SV2C: variants seen among roughly 807,000 people sequenced by gnomAD.
SV2C encodes solute carrier family 22 member B3.
SV2C carries 49 observed loss-of-function variants against 79.7 expected under a neutral mutation model. That is an observed-to-expected ratio of 0.61 (90% CI 0.49 to 0.78). SV2C has a LOEUF of 0.78. Ranked by LOEUF, SV2C falls within the 30% of genes least tolerant of loss-of-function variation. The pLI, the probability that SV2C is intolerant of heterozygous loss-of-function variation, is 0.00. For synonymous variants in SV2C, 334 were observed against 333.2 expected, an observed-to-expected ratio of 1.00 and a Z score of -0.03; for missense variants, 833 against 912.9, an observed-to-expected ratio of 0.91 and a Z score of 1.13.
chr5:76,264,255 T>G (rs1193546228), intron 4 of SV2C, among the ~76,000 whole-genome samples: 1 of 151,914 alleles, frequency 6.6e-6, no homozygotes, highest in Non-Finnish European at 1.5e-5. Context: ...CTTCAGAAAG[T>G]TCTCCTGCTG....
chr5:75,991,457 A>AT, the SV2C span, among the ~76,000 whole-genome samples: 5 of 150,262 alleles, frequency 3.3e-5, no homozygotes, highest in African/African-American at 1.2e-4. Context: ...GCAATCTGTA[A>AT]TTTTTTCTTT....
the SV2C span, among the ~76,000 whole-genome samples, chr5:76,045,872 T>C: frequency 9.2e-5 from 14 of 152,250 alleles, no homozygotes; most frequent in Admixed American, 7.2e-4. Context: ...TTAAATCTAG[T>C]GATGGTTAAT....
the SV2C span, among the ~76,000 whole-genome samples, chr5:76,023,806 A>G: frequency 5.3e-5 from 8 of 152,008 alleles, no homozygotes; most frequent in East Asian, 1.5e-3. Context: ...CTGGCCTTCA[A>G]AATACATATG....
At chr5:76,347,802 T>C (rs1370396366) in intron 12 of SV2C, among the ~76,000 whole-genome samples, 1 of 152,220 alleles carries the variant, frequency 6.6e-6, no homozygotes, top group Non-Finnish European at 1.5e-5. Flanking sequence ...ATAGTGAAAT[T>C]GAGCAGAGGG....
chr5:75,990,360 T>A, the SV2C span, among the ~76,000 whole-genome samples: 41,631 of 151,726 alleles, frequency 0.27, 6,291 homozygotes, highest in East Asian at 0.66. Flanking sequence ...ATCTTCTGCA[T>A]CTGTCTAGCC....
At chr5:76,124,823 A>G (rs933926787) in intron 1 of SV2C, among the ~76,000 whole-genome samples, 16 of 152,188 alleles carry the variant, frequency 1.1e-4, no homozygotes, top group African/African-American at 3.9e-4. Context: ...CCAAATTGGT[A>G]TGCATTGGTC....
the SV2C span, chr5:75,921,364 G>C: frequency 4.2e-6 from 4 of 963,550 alleles, no homozygotes; most frequent in East Asian, 4.8e-5. Flanking sequence ...TGTCCTTTGG[G>C]GGGTGCTGGT....
chr5:75,880,901 GGTTCTGCAAGAC>G, the SV2C span, among the ~76,000 whole-genome samples: 1 of 152,282 alleles, frequency 6.6e-6, no homozygotes, highest in South Asian at 2.1e-4. Flanking sequence ...GTTGGCTCAT[GGTTCTGCAAGAC>G]GTAAAAGCAC....
At chr5:76,001,482 G>GT in the SV2C span, among the ~76,000 whole-genome samples, 1 of 151,832 alleles carries the variant, frequency 6.6e-6, no homozygotes, top group South Asian at 2.1e-4. Flanking sequence ...GGCACCTGTG[G>GT]TCCCAGCTAC....
chr5:76,219,861 T>G (rs1745017294), intron 4 of SV2C, among the ~76,000 whole-genome samples: 1 of 152,210 alleles, frequency 6.6e-6, no homozygotes, highest in Non-Finnish European at 1.5e-5. Flanking sequence ...TCTGAACTCT[T>G]CCATTCAAGC....
chr5:76,086,931 G>C (rs1171976620), intron 1 of SV2C, among the ~76,000 whole-genome samples: 1 of 152,148 alleles, frequency 6.6e-6, no homozygotes, highest in Non-Finnish European at 1.5e-5. Flanking sequence ...CCTATTGAGA[G>C]GTATTGAACA....
At chr5:76,254,253 TATATAGAG>T (rs1257109505) in intron 4 of SV2C, among the ~76,000 whole-genome samples, 47 of 147,750 alleles carry the variant, frequency 3.2e-4, no homozygotes, top group African/African-American at 1.1e-3. Context: ...TATATATATA[TATATAGAG>T]AGAGAGAGAG....
intron 1 of SV2C, among the ~76,000 whole-genome samples, chr5:76,092,911 C>T (rs370677289): frequency 5.9e-4 from 90 of 152,110 alleles, no homozygotes; most frequent in African/African-American, 1.9e-3. Flanking sequence ...CTGTGGAGTG[C>T]GTCTCATATT....
chr5:76,030,297 A>ATTTATTTATTTT, the SV2C span, among the ~76,000 whole-genome samples: 1 of 33,054 alleles, frequency 3.0e-5, no homozygotes, highest in African/African-American at 1.1e-4. Context: ...TTTTTTATTT[A>ATTTATTTATTTT]TTCCTGTAAA....
the SV2C span, among the ~76,000 whole-genome samples, chr5:75,864,759 T>A: frequency 0.043 from 6,599 of 152,308 alleles, 377 homozygotes; most frequent in African/African-American, 0.13. Flanking sequence ...CTTGCTGCAT[T>A]CTGCATCACT....
chr5:75,913,039 T>C, the SV2C span, among the ~76,000 whole-genome samples: 1 of 152,166 alleles, frequency 6.6e-6, no homozygotes, highest in African/African-American at 2.4e-5. Context: ...ATTCATGGCA[T>C]AGTCAATCCA....
chr5:76,037,903 G>T, the SV2C span, among the ~76,000 whole-genome samples: 1 of 152,214 alleles, frequency 6.6e-6, no homozygotes, highest in South Asian at 2.1e-4. Flanking sequence ...GACTCCGTGG[G>T]CATAGGACCC....
chr5:75,993,744 G>C, the SV2C span, among the ~76,000 whole-genome samples: 1 of 151,974 alleles, frequency 6.6e-6, no homozygotes, highest in African/African-American at 2.4e-5. Context: ...CTACTGTCTT[G>C]CCTTGCATTA....
At chr5:76,040,594 AAAAATGGAGAGG>A in the SV2C span, among the ~76,000 whole-genome samples, 2 of 152,338 alleles carry the variant, frequency 1.3e-5, no homozygotes, top group East Asian at 3.9e-4. Context: ...CAGAGGAAGC[AAAAATGGAGAGG>A]AAAATGATGT....
Sources: gnomAD v4.1 joint callset for allele counts (sites outside exome capture counted in the v4.1 genomes callset) on GRCh38, gnomAD v4.1.1 for gene constraint, MANE v1.5 for transcripts, NCBI Gene and HGNC (gene_info 2026-07-23, HGNC 2026-07-21) for gene names.